Variants in RBFOX1 observed in about 807,000 individuals in gnomAD.
RBFOX1 encodes the protein RNA binding fox-1 homolog 1.
A neutral mutation model predicts 57.7 loss-of-function variants in RBFOX1; 8 were observed. That is an observed-to-expected ratio of 0.14 (90% CI 0.08 to 0.25). The LOEUF is 0.25. RBFOX1 is among the 10% of genes least tolerant of loss of function. The pLI is 1.00. For synonymous variants in RBFOX1, 326 were observed against 222.4 expected, an observed-to-expected ratio of 1.47 and a Z score of -4.15; for missense variants, 611 against 548.5, an observed-to-expected ratio of 1.11 and a Z score of -1.14.
intron 1 of RBFOX1, among the ~76,000 whole-genome samples, chr16:5,245,502 G>A (rs1159506217): frequency 6.6e-6 from 1 of 152,154 alleles, no homozygotes; most frequent in East Asian, 1.9e-4. Context: ...CAGACAAGAT[G>A]GGGGTTTTGC....
intron 3 of RBFOX1, among the ~76,000 whole-genome samples, chr16:6,920,674 T>G (rs1181417316): frequency 6.6e-6 from 1 of 152,168 alleles, no homozygotes; most frequent in African/African-American, 2.4e-5. Context: ...TTCCCTAGTT[T>G]CTTTTGGTTC....
chr16:6,311,236 C>T (rs112051149), intron 1 of RBFOX1, among the ~76,000 whole-genome samples: 37,966 of 139,514 alleles, frequency 0.27, 4,918 homozygotes, highest in Admixed American at 0.3. Context: ...GCAGAGGTTG[C>T]AGTGAGCTGA....
chr16:7,361,868 C>T (rs1202098186), intron 4 of RBFOX1, among the ~76,000 whole-genome samples: 7 of 142,794 alleles, frequency 4.9e-5, no homozygotes, highest in African/African-American at 1.0e-4. Flanking sequence ...TGTGTTAGTG[C>T]GTGTGTTTTG....
chr16:5,512,074 A>G (rs1351603659), intron 2 of RBFOX1, among the ~76,000 whole-genome samples: 1 of 152,182 alleles, frequency 6.6e-6, no homozygotes, highest in Admixed American at 6.5e-5. Flanking sequence ...CACGGTGGCA[A>G]TGGGGTGATA....
At chr16:7,701,060 TCAGGGGAGG>T (rs2080523469) in intron 14 of RBFOX1, among the ~76,000 whole-genome samples, 1 of 152,102 alleles carries the variant, frequency 6.6e-6, no homozygotes, top group Non-Finnish European at 1.5e-5. Context: ...CTCCTACTTC[TCAGGGGAGG>T]CAGGGAAATC....
chr16:5,821,446 G>A (rs935078011), intron 3 of RBFOX1, among the ~76,000 whole-genome samples: 1 of 151,908 alleles, frequency 6.6e-6, no homozygotes, highest in East Asian at 1.9e-4. Flanking sequence ...GGGACTACAG[G>A]CACCTGCCAC....
intron 4 of RBFOX1, among the ~76,000 whole-genome samples, chr16:7,199,918 C>A (rs566576579): frequency 1.3e-5 from 2 of 151,544 alleles, no homozygotes; most frequent in Non-Finnish European, 2.9e-5. Flanking sequence ...AAAACAACAA[C>A]AACAACAACA....
rs138594337 is a variant in RBFOX1 at position 6,965,429 on chromosome 16, C to G, written c.-15-86628C>G. ...GTGATCTCAGCTTACTGCAGCCTCC[C>G]GGGTTCAATTGATTCTTCTGCCTAA... On this transcript the variant is annotated intron_variant, in intron 3 of 15. Transcript: ENST00000550418. 2.0e-3 allele frequency among the ~76,000 whole-genome samples: 310 copies of G among 152,018 alleles called. 4 individuals carry two copies. Among genetic ancestry groups the G allele is most frequent in the African/African-American group, 7.2e-3 (298 of 41,468 alleles).
intron 3 of RBFOX1, among the ~76,000 whole-genome samples, chr16:7,031,593 C>G (rs1468317196): frequency 6.8e-6 from 1 of 146,128 alleles, no homozygotes; most frequent in African/African-American, 2.7e-5. Flanking sequence ...AGAGTGAGAC[C>G]CTGCCTAAAA....
intron 5 of RBFOX1, among the ~76,000 whole-genome samples, chr16:7,533,532 C>T (rs888247600): frequency 6.6e-6 from 1 of 152,182 alleles, no homozygotes; most frequent in Non-Finnish European, 1.5e-5. Flanking sequence ...ATACACTTCC[C>T]CTACTGAACA....
At chr16:7,172,275 A>G (rs1221171949) in intron 4 of RBFOX1, among the ~76,000 whole-genome samples, 2 of 152,114 alleles carry the variant, frequency 1.3e-5, no homozygotes, top group East Asian at 3.8e-4. Context: ...AACCCCATCA[A>G]AAAAACCACT....
At chr16:7,688,221 ATGTGTGTG>A (rs3029191) in intron 14 of RBFOX1, among the ~76,000 whole-genome samples, 8,167 of 120,860 alleles carry the variant, frequency 0.068, 398 homozygotes, top group Admixed American at 0.14. Flanking sequence ...GCAGGTTTAA[ATGTGTGTG>A]TGTGTGTGTG....
chr16:5,477,899 G>A (rs189496346), intron 2 of RBFOX1, among the ~76,000 whole-genome samples: 1 of 152,258 alleles, frequency 6.6e-6, no homozygotes, highest in Admixed American at 6.5e-5. Context: ...GAGACAGAAA[G>A]GGCGTGATGT....
intron 2 of RBFOX1, among the ~76,000 whole-genome samples, chr16:5,479,387 AC>A (rs1161017070): frequency 6.6e-6 from 1 of 151,856 alleles, no homozygotes; most frequent in African/African-American, 2.4e-5. Flanking sequence ...TGGGGTTTGA[AC>A]CCTCTCTGAT....
At chr16:6,136,892 A>G (rs765611407) in intron 1 of RBFOX1, among the ~76,000 whole-genome samples, 3 of 152,116 alleles carry the variant, frequency 2.0e-5, no homozygotes, top group Admixed American at 6.6e-5. Flanking sequence ...AGTTTTCTGA[A>G]ATGATCATTT....
At chr16:7,167,605 A>G (rs543239092) in intron 4 of RBFOX1, among the ~76,000 whole-genome samples, 7 of 152,204 alleles carry the variant, frequency 4.6e-5, no homozygotes, top group Non-Finnish European at 1.5e-5. Flanking sequence ...CAGAGAATAC[A>G]TTTCTTTTGT....
intron 3 of RBFOX1, among the ~76,000 whole-genome samples, chr16:5,867,107 T>A (rs77255553): frequency 6.6e-6 from 1 of 152,084 alleles, no homozygotes; most frequent in Middle Eastern, 3.4e-3. Context: ...TTAACAGGGC[T>A]GGATAAACAA....
chr16:6,395,705 T>C (rs1439765021), intron 2 of RBFOX1, among the ~76,000 whole-genome samples: 1 of 152,172 alleles, frequency 6.6e-6, no homozygotes, highest in Non-Finnish European at 1.5e-5. Context: ...TATATACTTA[T>C]ATATCAGATT....
intron 12 of RBFOX1, among the ~76,000 whole-genome samples, chr16:7,658,572 G>A (rs1226297260): frequency 6.6e-6 from 1 of 152,110 alleles, no homozygotes. Context: ...ACAGCAAGTG[G>A]AGGCTTTGGA....
Sources: gnomAD v4.1 joint callset for allele counts (sites outside exome capture counted in the v4.1 genomes callset) on GRCh38, gnomAD v4.1.1 for gene constraint, MANE v1.5 for transcripts, NCBI Gene and HGNC (gene_info 2026-07-23, HGNC 2026-07-21) for gene names.